CADM2: variants seen among roughly 807,000 people sequenced by gnomAD.
CADM2 encodes the protein cell adhesion molecule 2, also known as immunoglobulin superfamily member 4D.
In CADM2, 12 loss-of-function variants were observed where a neutral mutation model predicts 49.8. The ratio of observed to expected loss-of-function variants is 0.24; its 90% CI spans 0.15 to 0.39. The LOEUF (loss-of-function observed/expected upper bound fraction) is 0.39, where lower values mean the gene tolerates loss of function less well. Among genes scored for constraint, CADM2 ranks in the 10% least tolerant of loss-of-function variants. The pLI is 1.00. For synonymous variants in CADM2, 214 were observed against 175.4 expected, an observed-to-expected ratio of 1.22 and a Z score of -1.74; for missense variants, 378 against 492.3, an observed-to-expected ratio of 0.77 and a Z score of 2.20.
chr3:85,954,710 C>G (rs952492528), intron 7 of CADM2, among the ~76,000 whole-genome samples: 2 of 151,116 alleles, frequency 1.3e-5, no homozygotes, highest in African/African-American at 4.8e-5. Flanking sequence ...AACTTTAAAT[C>G]TTTTACTTGA....
At chr3:85,541,776 TA>T (rs1477479961) in intron 1 of CADM2, among the ~76,000 whole-genome samples, 2 of 19,274 alleles carry the variant, frequency 1.0e-4, no homozygotes, top group African/African-American at 2.7e-4. Context: ...TTTTATATTT[TA>T]TATATATATA....
chr3:85,856,949 G>A (rs964879040), intron 3 of CADM2, among the ~76,000 whole-genome samples: 3 of 152,250 alleles, frequency 2.0e-5, no homozygotes, highest in Admixed American at 1.3e-4. Flanking sequence ...TCTTGGTTCA[G>A]TCTACCATAA....
intron 3 of CADM2, among the ~76,000 whole-genome samples, chr3:85,868,441 A>G (rs375324721): frequency 2.6e-5 from 4 of 152,250 alleles, no homozygotes; most frequent in South Asian, 2.1e-4. Context: ...GAGCACATCA[A>G]TTCTTACCTA....
intron 5 of CADM2, among the ~76,000 whole-genome samples, chr3:85,889,501 G>A (rs1714131289): frequency 6.6e-6 from 1 of 152,124 alleles, no homozygotes; most frequent in Non-Finnish European, 1.5e-5. Flanking sequence ...CCTGTTTCAG[G>A]ATCACTTTGG....
At chr3:85,736,121 A>C (rs1400993212) in intron 2 of CADM2, among the ~76,000 whole-genome samples, 1 of 152,158 alleles carries the variant, frequency 6.6e-6, no homozygotes, top group Non-Finnish European at 1.5e-5. Context: ...CAAAGGTGTC[A>C]GAGAAAAAGA....
chr3:85,397,209 A>G (rs1310071089), intron 1 of CADM2, among the ~76,000 whole-genome samples: 2 of 152,174 alleles, frequency 1.3e-5, no homozygotes, highest in Non-Finnish European at 1.5e-5. Context: ...GAAGTGAGAT[A>G]TCACTTCATA....
intron 3 of CADM2, among the ~76,000 whole-genome samples, chr3:85,872,078 G>C (rs909495597): frequency 6.6e-6 from 1 of 152,188 alleles, no homozygotes; most frequent in Non-Finnish European, 1.5e-5. Context: ...GAGAGAGCCA[G>C]CATCTTTTCT....
chr3:85,198,219 T>C (rs989029796), intron 1 of CADM2, among the ~76,000 whole-genome samples: 4 of 151,898 alleles, frequency 2.6e-5, no homozygotes, highest in African/African-American at 9.6e-5. Flanking sequence ...GAAGCAATGA[T>C]ATTCTAAAAT....
At chr3:85,988,692 T>C (rs1030364068) in intron 8 of CADM2, among the ~76,000 whole-genome samples, 2 of 152,186 alleles carry the variant, frequency 1.3e-5, no homozygotes, top group Non-Finnish European at 2.9e-5. Context: ...TCTTCACCAA[T>C]ATTGTTTAAA....
At chr3:85,054,522 G>T (rs139282950) in intron 1 of CADM2, among the ~76,000 whole-genome samples, 24 of 151,978 alleles carry the variant, frequency 1.6e-4, no homozygotes, top group Non-Finnish European at 3.4e-4. Flanking sequence ...TATTAGGAAG[G>T]CTAGTCTTAT....
intron 1 of CADM2, among the ~76,000 whole-genome samples, chr3:85,331,916 A>G (rs904068352): frequency 6.6e-6 from 1 of 152,146 alleles, no homozygotes; most frequent in Non-Finnish European, 1.5e-5. Flanking sequence ...AATTTTTAAC[A>G]GTACTACAGT....
chr3:85,460,433 T>C (rs1387172069), intron 1 of CADM2, among the ~76,000 whole-genome samples: 1 of 152,162 alleles, frequency 6.6e-6, no homozygotes, highest in Non-Finnish European at 1.5e-5. Context: ...TTAAAAGACC[T>C]CCAAAAGCTA....
At chr3:85,387,456 G>A (rs2034293436) in intron 1 of CADM2, among the ~76,000 whole-genome samples, 1 of 151,928 alleles carries the variant, frequency 6.6e-6, no homozygotes, top group East Asian at 1.9e-4. Context: ...AGCTAAAGTT[G>A]GTGTTCATTT....
chr3:86,005,219 A>C (rs1577923076), intron 8 of CADM2, among the ~76,000 whole-genome samples: 1 of 152,314 alleles, frequency 6.6e-6, no homozygotes, highest in East Asian at 1.9e-4. Flanking sequence ...GTAAAAAATC[A>C]TGTAATCTCC....
chr3:85,133,709 CAG>C (rs1245897275), intron 1 of CADM2, among the ~76,000 whole-genome samples: 1 of 152,242 alleles, frequency 6.6e-6, no homozygotes, highest in Admixed American at 6.5e-5. Context: ...GAGCTAGATA[CAG>C]AGTGCCGACT....
At chr3:86,011,549 A>T (rs145123815) in intron 8 of CADM2, among the ~76,000 whole-genome samples, 1,762 of 152,230 alleles carry the variant, frequency 0.012, 32 homozygotes, top group East Asian at 0.062. Flanking sequence ...TTGGGGCGAT[A>T]AGAAAAAGGA....
intron 1 of CADM2, among the ~76,000 whole-genome samples, chr3:85,651,462 C>T (rs1437773063): frequency 6.6e-6 from 1 of 151,914 alleles, no homozygotes; most frequent in Non-Finnish European, 1.5e-5. Context: ...AAGACATGGT[C>T]AGTTAACAAG....
intron 1 of CADM2, among the ~76,000 whole-genome samples, chr3:84,966,113 G>A (rs1055115103): frequency 1.9e-4 from 29 of 152,272 alleles, no homozygotes; most frequent in African/African-American, 7.0e-4. Flanking sequence ...TCCTGTTAAT[G>A]TGTTCAGTGG....
At chr3:85,081,245 C>T (rs947743038) in intron 1 of CADM2, among the ~76,000 whole-genome samples, 8 of 152,134 alleles carry the variant, frequency 5.3e-5, no homozygotes, top group East Asian at 1.9e-4. Flanking sequence ...CAGACAAATA[C>T]GCATTGAAAT....
Sources: gnomAD v4.1 joint callset for allele counts (sites outside exome capture counted in the v4.1 genomes callset) on GRCh38, gnomAD v4.1.1 for gene constraint, MANE v1.5 for transcripts, NCBI Gene and HGNC (gene_info 2026-07-23, HGNC 2026-07-21) for gene names.